Variants in BEND7 observed in about 807,000 individuals in gnomAD.
The protein encoded by BEND7 is BEN domain containing 7.
Under a neutral mutation model 50.9 loss-of-function variants are expected in BEND7, and 28 were observed. The observed-to-expected ratio is 0.55, with a 90% CI of 0.41 to 0.75. The LOEUF (loss-of-function observed/expected upper bound fraction) is 0.75. Ranked by LOEUF, BEND7 falls within the 30% of genes least tolerant of loss-of-function variation. BEND7 has a pLI of 0.00. For synonymous variants in BEND7, 170 were observed against 183.9 expected (o/e 0.92, Z 0.61); for missense variants, 477 against 491.3 (o/e 0.97, Z 0.28).
At chr10:13,491,950 T>C (rs1268682322) in intron 5 of BEND7, among the ~76,000 whole-genome samples, 3 of 151,716 alleles carry the variant, frequency 2.0e-5, no homozygotes, top group Non-Finnish European at 4.4e-5. Context: ...TAAATAGAAA[T>C]GCAATTGCAA....
In BEND7 at chr10:13,492,770, C is replaced by T. The variant is rs781054233; in HGVS notation, c.678G>A (p.Val226=). 2 of 1,613,270 alleles carry T rather than the reference C, an allele frequency of 1.2e-6. No homozygotes were observed. The highest frequency in any genetic ancestry group is 2.2e-5 in the East Asian group (1 of 44,884). Residue 226 remains valine, a synonymous_variant, in exon 5 of 9, where the codon GTG becomes GTA. Transcript: ENST00000466271. ...GCTTCTGTTTCACAGTAAGAGGTTC[C>T]ACAGTCTTTGGGGGCACTTTTTTCT... is the stretch of plus-strand genomic sequence containing the variant. ...NKKKKVPPKT[V]EPLTVKQKPS... is the part of the protein sequence containing the mutation.
At chr10:13,474,310 A>G (rs1192385698) in intron 6 of BEND7, among the ~76,000 whole-genome samples, 1 of 150,970 alleles carries the variant, frequency 6.6e-6, no homozygotes, top group Non-Finnish European at 1.5e-5. Context: ...TGCGGGGTCG[A>G]TATCCATCAT....
intron 6 of BEND7, among the ~76,000 whole-genome samples, chr10:13,453,181 C>T (rs775030674): frequency 4.6e-5 from 7 of 152,156 alleles, no homozygotes; most frequent in African/African-American, 7.2e-5. Flanking sequence ...GCACACCACA[C>T]GAGCTCCCAG....
chr10:13,438,987 G>A (rs758950820), downstream of BEND7: 1 of 604,484 alleles, frequency 1.7e-6, no homozygotes, highest in South Asian at 2.1e-5. Context: ...AGAATGACTC[G>A]GTTGCATATT....
At chr10:13,509,612 T>C (rs1232423901) in intron 2 of BEND7, among the ~76,000 whole-genome samples, 2 of 152,212 alleles carry the variant, frequency 1.3e-5, no homozygotes, top group African/African-American at 2.4e-5. Flanking sequence ...CACTTTACCC[T>C]GGGAGGACTA....
At chr10:13,520,395 G>A (rs1280073239) in intron 2 of BEND7, among the ~76,000 whole-genome samples, 1 of 151,698 alleles carries the variant, frequency 6.6e-6, no homozygotes, top group Admixed American at 6.6e-5. Flanking sequence ...TTAGGAAGCC[G>A]GTTGGCTCAA....
At chr10:13,446,486 T>C in intron 8 of BEND7, 1 of 152,214 alleles carries the variant, frequency 6.6e-6, no homozygotes, top group East Asian at 1.9e-4. Flanking sequence ...TGGGGGTACC[T>C]GGGTTTTGTG....
chr10:13,515,063 G>A (rs958886048), intron 2 of BEND7, among the ~76,000 whole-genome samples: 12 of 152,252 alleles, frequency 7.9e-5, no homozygotes, highest in African/African-American at 2.4e-4. Flanking sequence ...CTTATGTAGC[G>A]TTCCACTGTT....
rs940569768 is a variant in BEND7, at chr10:13,451,138, C to T, written c.1183+1401G>A. Among the ~76,000 whole-genome samples, 32 of 151,806 alleles carry T rather than the reference C, an allele frequency of 2.1e-4. 1 individual carries two copies. The highest frequency in any genetic ancestry group is 2.0e-3 in the Admixed American group (31 of 15,234). On this transcript the variant is annotated intron_variant, in intron 7 of 8. Coordinates refer to ENST00000466271, the MANE Select transcript of BEND7 (RefSeq NM_001369863.1). ...CTTACTCAGACACATGATCCACTGC[C>T]AGCAAGGTCTTTCTGGGTCCCTGAG...
chr10:13,519,584 G>A (rs888366431), intron 2 of BEND7, among the ~76,000 whole-genome samples: 9 of 152,322 alleles, frequency 5.9e-5, no homozygotes, highest in Non-Finnish European at 1.2e-4. Context: ...TTGAAAAAGC[G>A]TTTTACCATA....
At chr10:13,528,413 C>T in intron 1 of BEND7, 60 bp downstream of exon 1, 1 of 859,128 alleles carries the variant, frequency 1.2e-6, no homozygotes, top group Non-Finnish European at 1.4e-6. Flanking sequence ...CGTGGACCCC[C>T]GCGGGCGGCC....
intron 2 of BEND7, among the ~76,000 whole-genome samples, chr10:13,501,661 A>G (rs2077475543): frequency 6.6e-6 from 1 of 152,070 alleles, no homozygotes. Context: ...AGCCTGGGCA[A>G]TATGGAGAAA....
intron 5 of BEND7, among the ~76,000 whole-genome samples, chr10:13,482,241 C>T (rs1588869453): frequency 6.6e-6 from 1 of 152,166 alleles, no homozygotes; most frequent in East Asian, 1.9e-4. Context: ...TCATAACCTG[C>T]ACTACTAAGT....
rs544199753 is a variant in BEND7, at chr10:13,447,575, G to A, written c.1184-259C>T. 5.4e-3 allele frequency among the ~76,000 whole-genome samples: 629 copies of A among 115,882 alleles called. 6 individuals are homozygous for A. Among genetic ancestry groups the A allele is most frequent in the Non-Finnish European group, 6.8e-3 (426 of 62,222 alleles). The allele number at this position is 115,882 out of a possible 152,430, so 76.0% of individuals were successfully genotyped here. ...TTTTTTTTTTTTGAGACGGAGTCTC[G>A]CTCTGTCGCCCAGGCTGGAGTGCAG... is the stretch of plus-strand genomic sequence containing the variant. On this transcript the variant is annotated intron_variant, in intron 7 of 8. Coordinates refer to ENST00000466271, the MANE Select transcript of BEND7 (RefSeq NM_001369863.1).
At chr10:13,502,121 T>C (rs896870663) in intron 2 of BEND7, among the ~76,000 whole-genome samples, 1 of 152,172 alleles carries the variant, frequency 6.6e-6, no homozygotes, top group East Asian at 1.9e-4. Context: ...GGTTTCTCTG[T>C]AGAACTGGTA....
rs565315146 is a variant in BEND7 at position 13,452,627 on chromosome 10, A to G, written c.1095T>C (p.His365=). 51 of 1,612,542 alleles carry G rather than the reference A, an allele frequency of 3.2e-5. 1 individual carries two copies. In the South Asian group the frequency reaches 5.2e-4, roughly 16 times the overall value. Residue 365 remains histidine, a synonymous_variant, in exon 7 of 9, where the codon CAT becomes CAC. Transcript: ENST00000466271. Reference sequence around the variant, plus strand: ...CTCTTGGGCCAGGAAGCTTATCCACATGGTTAGCTGTACAGTACTTTTCTG... The same window carrying G: ...CTCTTGGGCCAGGAAGCTTATCCACGTGGTTAGCTGTACAGTACTTTTCTG... ...VFTEKYCTAN[H]VDKLPGPRDW...
chr10:13,478,470 T>C (rs1476691426), intron 6 of BEND7, among the ~76,000 whole-genome samples: 3 of 152,196 alleles, frequency 2.0e-5, no homozygotes. Context: ...CTTAAGCAAC[T>C]TACAAGAAAT....
intron 6 of BEND7, among the ~76,000 whole-genome samples, chr10:13,479,000 A>C (rs1470518399): frequency 1.4e-5 from 2 of 141,364 alleles, no homozygotes; most frequent in Non-Finnish European, 3.0e-5. Context: ...CTCTATTTGT[A>C]ATATACTTTT....
intron 4 of BEND7, among the ~76,000 whole-genome samples, chr10:13,494,201 G>A (rs777265752): frequency 1.2e-4 from 18 of 152,064 alleles, no homozygotes; most frequent in Non-Finnish European, 2.2e-4. Context: ...GGCGGATCAC[G>A]AGGTCAAGAG....
Sources: allele counts gnomAD v4.1 joint callset (sites outside exome capture counted in the v4.1 genomes callset), GRCh38; gene constraint gnomAD v4.1.1; transcripts MANE v1.5; gene names NCBI Gene and HGNC (gene_info 2026-07-23, HGNC 2026-07-21).